Variants in ANKIB1 observed in about 807,000 individuals in gnomAD.
ANKIB1 encodes ankyrin repeat and IBR domain containing 1, also known as ankyrin repeat and IBR domain-containing protein 1.
A neutral mutation model predicts 122.1 loss-of-function variants in ANKIB1; 43 were observed. The observed-to-expected ratio is 0.35, with a 90% CI of 0.28 to 0.45. The LOEUF is 0.45. Ranked by LOEUF, ANKIB1 falls within the 20% of genes least tolerant of loss-of-function variation. The pLI, the probability that ANKIB1 is intolerant of heterozygous loss-of-function variation, is 1.00. For missense variants in ANKIB1, 992 were observed against 1,329.5 expected (o/e 0.75, Z 3.95); for synonymous variants, 390 against 442.0 (o/e 0.88, Z 1.48).
chr7:92,283,039 A>G (rs535593216), intron 1 of ANKIB1, among the ~76,000 whole-genome samples: 110 of 152,152 alleles, frequency 7.2e-4, no homozygotes, highest in Admixed American at 2.2e-3. Context: ...TTCTCTAACT[A>G]CAGTATCATT....
chr7:92,333,301 C>T (rs1446996889), intron 5 of ANKIB1, among the ~76,000 whole-genome samples: 1 of 152,178 alleles, frequency 6.6e-6, no homozygotes, highest in African/African-American at 2.4e-5. Context: ...CTGCCTGTTT[C>T]TCTAGCCTTA....
At chr7:92,305,958 G>A (rs1362133878) in intron 2 of ANKIB1, among the ~76,000 whole-genome samples, 9 of 152,148 alleles carry the variant, frequency 5.9e-5, no homozygotes, top group African/African-American at 2.2e-4. Context: ...AAAACCGAGA[G>A]ATGCTAGTCT....
rs992376924 is a variant in ANKIB1 at position 92,341,612 on chromosome 7, G to A, written c.788-1412G>A. Reference sequence around the variant, plus strand: ...AAAAGAAGGAAATAATGTTAAATAAGTTTACTTGGAGAGATTTTCCAGTTG... The same window carrying A: ...AAAAGAAGGAAATAATGTTAAATAAATTTACTTGGAGAGATTTTCCAGTTG... On this transcript the variant is annotated intron_variant, in intron 5 of 19. Coordinates refer to ENST00000265742, the MANE Select transcript of ANKIB1 (RefSeq NM_019004.2). Among the ~76,000 whole-genome samples, 37 of 152,148 alleles carry A rather than the reference G, an allele frequency of 2.4e-4. 1 individual carries two copies. Among genetic ancestry groups the A allele is most frequent in the Non-Finnish European group, 1.2e-4 (8 of 68,024 alleles).
At chr7:92,326,429 G>A (rs966767440) in intron 4 of ANKIB1, among the ~76,000 whole-genome samples, 1 of 152,130 alleles carries the variant, frequency 6.6e-6, no homozygotes, top group African/African-American at 2.4e-5. Context: ...CGTAAATGAA[G>A]TCGAATGATG....
intron 9 of ANKIB1, among the ~76,000 whole-genome samples, chr7:92,354,267 C>A (rs190929158): frequency 6.6e-6 from 1 of 152,112 alleles, no homozygotes; most frequent in East Asian, 1.9e-4. Context: ...TGGAGAAATA[C>A]ATCAGCTTAC....
At chr7:92,328,970 C>CTTTT (rs766176211) in intron 5 of ANKIB1, among the ~76,000 whole-genome samples, 7 of 138,188 alleles carry the variant, frequency 5.1e-5, no homozygotes, top group Non-Finnish European at 9.5e-5. Flanking sequence ...CACAAACACA[C>CTTTT]TTTTTTTTTT....
At chr7:92,333,535 C>T (rs1014142355) in intron 5 of ANKIB1, among the ~76,000 whole-genome samples, 11 of 152,106 alleles carry the variant, frequency 7.2e-5, no homozygotes, top group African/African-American at 1.4e-4. Context: ...TCCCTGACTC[C>T]GGTTTTCTAC....
intron 17 of ANKIB1, among the ~76,000 whole-genome samples, chr7:92,394,009 C>G (rs1199499013): frequency 2.0e-5 from 3 of 152,016 alleles, no homozygotes; most frequent in Non-Finnish European, 4.4e-5. Context: ...TTGAGTCTGG[C>G]AAGCATAAAG....
intron 6 of ANKIB1, among the ~76,000 whole-genome samples, chr7:92,344,183 T>A (rs1404533533): frequency 6.7e-6 from 1 of 150,120 alleles, no homozygotes; most frequent in African/African-American, 2.4e-5. Context: ...GTTGTTGTTT[T>A]GTGTTTTTGG....
chr7:92,308,680 A>T (rs1162767840), intron 3 of ANKIB1, among the ~76,000 whole-genome samples: 2 of 152,172 alleles, frequency 1.3e-5, no homozygotes, highest in Non-Finnish European at 2.9e-5. Context: ...AAAATCACGC[A>T]TATAATATGA....
rs140448266 is a variant in ANKIB1, at chr7:92,308,743, C to A, written c.486+1087C>A. 2.8e-3 allele frequency among the ~76,000 whole-genome samples: 425 copies of A among 152,154 alleles called. 2 individuals carry two copies. The highest frequency in any genetic ancestry group is 9.6e-3 in the African/African-American group (397 of 41,534). On this transcript the variant is annotated intron_variant, in intron 3 of 19. Coordinates refer to ENST00000265742, the MANE Select transcript of ANKIB1 (RefSeq NM_019004.2). ...TATAGTATCGTCACTACTATACATACAACAGAATAGGTTTTTCTCAGCTAC... is the reference window on the plus strand; with the variant it reads ...TATAGTATCGTCACTACTATACATAAAACAGAATAGGTTTTTCTCAGCTAC...
intron 9 of ANKIB1, among the ~76,000 whole-genome samples, chr7:92,358,371 A>T (rs941383477): frequency 6.6e-6 from 1 of 152,176 alleles, no homozygotes; most frequent in Non-Finnish European, 1.5e-5. Context: ...CCAACCAGTT[A>T]TAACACCCTG....
rs144701105 is a variant in ANKIB1, at chr7:92,335,518, C to T, written c.788-7506C>T. 2.1e-3 allele frequency among the ~76,000 whole-genome samples: 323 copies of T among 152,070 alleles called. 1 individual carries two copies. The highest frequency in any genetic ancestry group is 3.6e-3 in the Non-Finnish European group (243 of 67,846). On this transcript the variant is annotated intron_variant, in intron 5 of 19. Transcript: ENST00000265742. ...GAATGTGGATTTGTATATAGCTCCT[C>T]CTTAATGGTGTCAATTTGCTTAATC... is the stretch of plus-strand genomic sequence containing the variant.
chr7:92,331,013 A>G (rs530070295), intron 5 of ANKIB1, among the ~76,000 whole-genome samples: 3 of 152,260 alleles, frequency 2.0e-5, no homozygotes, highest in Admixed American at 2.0e-4. Flanking sequence ...TGAGATTTTT[A>G]AAATGCAAGG....
intron 17 of ANKIB1, 74 bp downstream of exon 17, chr7:92,392,366 A>AAATCC: frequency 7.7e-7 from 1 of 1,300,888 alleles, no homozygotes; most frequent in Non-Finnish European, 1.1e-6. Context: ...ATCCTTATCT[A>AAATCC]TTCTAAATCC....
chr7:92,294,792 A>T, intron 1 of ANKIB1, 97 bp from the exon 2 acceptor site: 2 of 498,706 alleles, frequency 4.0e-6, no homozygotes, highest in Non-Finnish European at 6.9e-6. Context: ...TCCCTTATCG[A>T]TGATTCCCAG....
intron 5 of ANKIB1, among the ~76,000 whole-genome samples, chr7:92,336,228 T>G (rs1372094916): frequency 1.3e-5 from 2 of 152,102 alleles, no homozygotes; most frequent in Non-Finnish European, 2.9e-5. Context: ...AAATTTTCCC[T>G]CTGATCTCTT....
intron 1 of ANKIB1, among the ~76,000 whole-genome samples, chr7:92,248,937 G>GA (rs1335979445): frequency 7.0e-6 from 1 of 143,316 alleles, no homozygotes; most frequent in Non-Finnish European, 1.5e-5. Context: ...GCCAAGGCTG[G>GA]AGTGCAGTGG....
intron 10 of ANKIB1, among the ~76,000 whole-genome samples, chr7:92,365,686 G>C (rs1804057444): frequency 6.7e-6 from 1 of 149,900 alleles, no homozygotes; most frequent in South Asian, 2.1e-4. Context: ...TTAGTTCTGA[G>C]ACAACTTCAG....
Sources: gnomAD v4.1 joint callset for allele counts (sites outside exome capture counted in the v4.1 genomes callset) on GRCh38, gnomAD v4.1.1 for gene constraint, MANE v1.5 for transcripts, NCBI Gene and HGNC (gene_info 2026-07-23, HGNC 2026-07-21) for gene names.